UGCG: variants seen among roughly 807,000 people sequenced by gnomAD.
UGCG encodes UDP-glucose ceramide glucosyltransferase.
In UGCG, 10 loss-of-function variants were observed where a neutral mutation model predicts 49.5. The observed-to-expected ratio is 0.20, with a 90% CI of 0.12 to 0.34. UGCG has a LOEUF of 0.34. Among genes scored for constraint, UGCG ranks in the 10% least tolerant of loss-of-function variants. The pLI, the probability that UGCG is intolerant of heterozygous loss-of-function variation, is 1.00. For synonymous variants in UGCG, 182 were observed against 158.2 expected (o/e 1.15, Z -1.13); for missense variants, 312 against 483.7 (o/e 0.65, Z 3.33).
At chr9:111,900,690 T>C (rs563316320) in intron 1 of UGCG, among the ~76,000 whole-genome samples, 1 of 152,240 alleles carries the variant, frequency 6.6e-6, no homozygotes, top group South Asian at 2.1e-4. Context: ...GACAGGGTTC[T>C]GCCATGTTTC....
At chr9:111,903,656 T>TG (rs1837819954) in intron 1 of UGCG, among the ~76,000 whole-genome samples, 1 of 152,186 alleles carries the variant, frequency 6.6e-6, no homozygotes, top group African/African-American at 2.4e-5. Context: ...AGTGCAGTAG[T>TG]GCGATCATGG....
At position 111,934,471 on chromosome 9, in the gene UGCG, A is replaced by G. The variant is rs991261786; in HGVS notation, c.*1474A>G. 2.0e-5 allele frequency: 3 copies of G among 152,164 alleles called. No individual in the cohort carries two copies. The highest frequency in any genetic ancestry group is 7.2e-5 in the African/African-American group (3 of 41,440). 9.4% of individuals were successfully genotyped at this position (152,164 alleles called of 1,614,324 possible). A position where few individuals can be genotyped will look rare whatever the true frequency, so the allele number is the denominator to read the frequency against. The stretch of plus-strand genomic sequence containing the variant: ...TGGCATGTTGTCCACAGGAATGCCT[A>G]CTGCAGGGCTAACACTGGCAATATG... On this transcript the variant is annotated 3_prime_UTR_variant, in exon 9 of 9. Coordinates refer to ENST00000374279, the MANE Select transcript of UGCG (RefSeq NM_003358.3).
chr9:111,931,825 G>C (rs1450890085), intron 7 of UGCG, among the ~76,000 whole-genome samples: 1 of 152,074 alleles, frequency 6.6e-6, no homozygotes, highest in East Asian at 1.9e-4. Context: ...CCAGGAGTTT[G>C]AGACCAGCCT....
Position 111,929,532 on chromosome 9 carries a change from T to C in UGCG, c.591T>C (p.Tyr197=). The change falls in exon 6 of 9, where the codon TAT becomes TAC. Residue 197 remains tyrosine (Y), a synonymous_variant. Transcript: ENST00000374279. ...TTGGAACTTCACATCCAAGATACTA[T>C]ATCTCTGCCAATGTAACTGGTTTCA... ...VYFGTSHPRY[Y]ISANVTGFKC... is the part of the protein sequence containing the mutation. 6.2e-7 allele frequency: 1 copy of C among 1,613,890 alleles called. No homozygotes were observed. The highest frequency in any genetic ancestry group is 1.1e-5 in the South Asian group (1 of 90,992).
At position 111,929,753 on chromosome 9, in the gene UGCG, A is replaced by G. The variant is rs531300571; in HGVS notation, c.737+75A>G. The G allele has an allele frequency of 5.3e-6, 8 of 1,508,974 alleles. No individual in the cohort carries two copies. The South Asian group carries it at 9.9e-5, about 19-fold the overall frequency. 93.5% of individuals were successfully genotyped at this position (1,508,974 alleles called of 1,614,324 possible). ...GGTTTATTCTTTTTGTTCAACCTATAGATTAGGGCTTTTTAATTTAATTTT... is the reference window on the plus strand; with the variant it reads ...GGTTTATTCTTTTTGTTCAACCTATGGATTAGGGCTTTTTAATTTAATTTT... On this transcript the variant is annotated intron_variant, in intron 6 of 8. Coordinates refer to ENST00000374279, the MANE Select transcript of UGCG (RefSeq NM_003358.3).
In UGCG at chr9:111,931,310, A is replaced by G. The variant is rs1229509690; in HGVS notation, c.777A>G (p.Gln259=). Reference sequence around the variant, plus strand: ...CAATGTCCACTCAAGTTGCAATGCAAAACTCTGGCTCATATTCAATTTCTC... The same window carrying G: ...CAATGTCCACTCAAGTTGCAATGCAGAACTCTGGCTCATATTCAATTTCTC... ...RFAMSTQVAM[Q]NSGSYSISQF... is the part of the protein sequence containing the mutation. Residue 259 remains glutamine (Q), a synonymous_variant, in exon 7 of 9, where the codon CAA becomes CAG. Coordinates refer to ENST00000374279, the MANE Select transcript of UGCG (RefSeq NM_003358.3). 1 of 1,614,006 alleles carries G rather than the reference A, an allele frequency of 6.2e-7. No individual in the cohort carries two copies. Among genetic ancestry groups the G allele is most frequent in the Non-Finnish European group, 8.5e-7 (1 of 1,180,006 alleles).
Position 111,932,256 on chromosome 9 carries a change from G to C in UGCG, c.911G>C (p.Gly304Ala). Reference sequence around the variant, plus strand: ...TGCTTTGTTGCCAGTTTAATTATTGGATGGGCAGCCCACCATGTGTTCAGA... The same window carrying C: ...TGCTTTGTTGCCAGTTTAATTATTGCATGGGCAGCCCACCATGTGTTCAGA... ...SECFVASLII[G>A]WAAHHVFRWD... The change falls in exon 8 of 9, where the codon GGA becomes GCA. Residue 304 changes from glycine (G) to alanine (A), a missense_variant. Physicochemically the swap from Gly to Ala is moderately conservative, Grantham distance 60 (BLOSUM62 0). This residue lies in a region of UGCG where 180 missense variants were observed against 320.4 expected (regional missense o/e 0.56). Transcript: ENST00000374279. The C allele has an allele frequency of 6.2e-7, 1 of 1,614,064 alleles. No individual in the cohort carries two copies.
chr9:111,926,544 T>C lies in UGCG; in HGVS notation c.558+48T>C, dbSNP rs759186938. 7 of 1,413,678 alleles carry C rather than the reference T, an allele frequency of 5.0e-6. No homozygotes were observed. In the Admixed American group the frequency reaches 1.0e-4, roughly 21 times the overall value. The allele number at this position is 1,413,678 out of a possible 1,614,324, so 87.6% of individuals were successfully genotyped here. On this transcript the variant is annotated intron_variant, in intron 5 of 8. Transcript: ENST00000374279. ...ATGTTCATAGTATCAGACCCCTCAT[T>C]TCCCAGAAGCTTGAGACTATGGGAG...
chr9:111,897,644 T>C (rs1015172794), intron 1 of UGCG, among the ~76,000 whole-genome samples: 2 of 152,060 alleles, frequency 1.3e-5, no homozygotes, highest in Admixed American at 6.5e-5. Context: ...TGGGCCGAGA[T>C]GTATGGTGTA....
At chr9:111,899,166 A>C (rs956396597) in intron 1 of UGCG, among the ~76,000 whole-genome samples, 1 of 152,220 alleles carries the variant, frequency 6.6e-6, no homozygotes, top group Non-Finnish European at 1.5e-5. Flanking sequence ...ACTGTGATGA[A>C]TTTATATGCA....
intron 2 of UGCG, among the ~76,000 whole-genome samples, chr9:111,918,200 G>T (rs150329939): frequency 1.3e-3 from 193 of 151,976 alleles, no homozygotes; most frequent in African/African-American, 4.4e-3. Context: ...TGCCACTACC[G>T]CTGGCTAATT....
intron 1 of UGCG, among the ~76,000 whole-genome samples, chr9:111,897,518 G>C (rs972522570): frequency 6.6e-6 from 1 of 152,184 alleles, no homozygotes; most frequent in Non-Finnish European, 1.5e-5. Flanking sequence ...GGCGTGGGAA[G>C]GGTTTGCTGG....
intron 2 of UGCG, among the ~76,000 whole-genome samples, chr9:111,917,071 T>C (rs946160782): frequency 6.6e-6 from 1 of 152,048 alleles, no homozygotes; most frequent in Non-Finnish European, 1.5e-5. Flanking sequence ...TCACTTAGAG[T>C]AGTAGCTCTT....
chr9:111,914,196 G>A (rs1420929274), intron 1 of UGCG, among the ~76,000 whole-genome samples: 2 of 152,152 alleles, frequency 1.3e-5, no homozygotes, highest in Non-Finnish European at 2.9e-5. Flanking sequence ...TCTTCACCAT[G>A]TATTTTATTG....
chr9:111,899,327 T>G (rs903710255), intron 1 of UGCG, among the ~76,000 whole-genome samples: 3 of 152,246 alleles, frequency 2.0e-5, no homozygotes, highest in Non-Finnish European at 2.9e-5. Flanking sequence ...GGCCCCATTT[T>G]GCCTTACAAA....
At chr9:111,926,294 CAATT>C in intron 4 of UGCG, 86 bp from the exon 5 acceptor site, 1 of 722,502 alleles carries the variant, frequency 1.4e-6, no homozygotes, top group Non-Finnish European at 2.2e-6. Context: ...AATGTAATAA[CAATT>C]CACAAAATAT....
At chr9:111,917,364 A>G (rs1838130102) in intron 2 of UGCG, among the ~76,000 whole-genome samples, 2 of 152,208 alleles carry the variant, frequency 1.3e-5, no homozygotes, top group Non-Finnish European at 2.9e-5. Context: ...CTAAAGTTAA[A>G]CCACTGAAAT....
intron 1 of UGCG, among the ~76,000 whole-genome samples, chr9:111,906,024 A>G (rs1837875749): frequency 6.6e-6 from 1 of 152,152 alleles, no homozygotes; most frequent in Non-Finnish European, 1.5e-5. Context: ...GTGTTTCTCC[A>G]GTTGTAGTTT....
At chr9:111,921,092 CAG>C (rs1448383753) in intron 2 of UGCG, among the ~76,000 whole-genome samples, 1 of 151,820 alleles carries the variant, frequency 6.6e-6, no homozygotes, top group Non-Finnish European at 1.5e-5. Context: ...TTAGGAGAAA[CAG>C]GGTTTCACCA....
Sources: gnomAD v4.1 joint callset for allele counts (sites outside exome capture counted in the v4.1 genomes callset) on GRCh38, gnomAD v4.1.1 for gene constraint, gnomAD v4.1.1 regional missense constraint, MANE v1.5 for transcripts, NCBI Gene and HGNC (gene_info 2026-07-23, HGNC 2026-07-21) for gene names.